SENP7: variants seen among roughly 807,000 people sequenced by gnomAD.
SENP7 encodes the protein SUMO specific peptidase 7.
SENP7 carries 64 observed loss-of-function variants against 141.2 expected under a neutral mutation model. That is an observed-to-expected ratio of 0.45 (90% CI 0.37 to 0.56). The LOEUF is 0.56. Ranked by LOEUF, SENP7 falls within the 20% of genes least tolerant of loss-of-function variation. The probability of loss-of-function intolerance (pLI) is 0.00; values close to 1 mark genes in which losing one functional copy is unlikely to be tolerated. For missense variants in SENP7, 1,025 were observed against 1,212.2 expected (o/e 0.85, Z 2.29); for synonymous variants, 382 against 426.4 (o/e 0.90, Z 1.28).
intron 6 of SENP7, among the ~76,000 whole-genome samples, chr3:101,396,223 G>C (rs1576214555): frequency 6.6e-6 from 1 of 152,178 alleles, no homozygotes; most frequent in Non-Finnish European, 1.5e-5. Context: ...AGGAGAGCTA[G>C]TGTTCCCACT....
At chr3:101,398,203 T>C (rs1037428152) in intron 6 of SENP7, among the ~76,000 whole-genome samples, 1 of 152,242 alleles carries the variant, frequency 6.6e-6, no homozygotes, top group Admixed American at 6.5e-5. Flanking sequence ...CTCACGCCTG[T>C]AATGCCAGCC....
intron 6 of SENP7, among the ~76,000 whole-genome samples, chr3:101,381,154 G>A (rs368346713): frequency 1.2e-4 from 18 of 152,244 alleles, no homozygotes; most frequent in South Asian, 6.2e-4. Flanking sequence ...AGAAGGCTTC[G>A]GTGATGCTGA....
chr3:101,424,448 A>C (rs1447041889), intron 4 of SENP7, among the ~76,000 whole-genome samples: 1 of 151,852 alleles, frequency 6.6e-6, no homozygotes, highest in Non-Finnish European at 1.5e-5. Flanking sequence ...CCGCTCCCAC[A>C]ACTGACCACC....
At chr3:101,511,440 A>T (rs1249740324) in intron 1 of SENP7, among the ~76,000 whole-genome samples, 1 of 152,220 alleles carries the variant, frequency 6.6e-6, no homozygotes, top group Non-Finnish European at 1.5e-5. Flanking sequence ...GTTCTGTGTT[A>T]GGAAGCCCGC....
chr3:101,373,741 A>T (rs900722749), intron 6 of SENP7, among the ~76,000 whole-genome samples: 2 of 152,198 alleles, frequency 1.3e-5, no homozygotes, highest in Non-Finnish European at 2.9e-5. Flanking sequence ...CACAACAGTG[A>T]AGCCAAACAC....
intron 11 of SENP7, chr3:101,358,410 T>C (rs2059801984): frequency 2.3e-6 from 1 of 444,388 alleles, no homozygotes. Flanking sequence ...TAATTTATAC[T>C]GGAGAGAAAC....
intron 3 of SENP7, among the ~76,000 whole-genome samples, chr3:101,485,685 T>C (rs1239462682): frequency 2.0e-5 from 3 of 152,002 alleles, no homozygotes; most frequent in South Asian, 2.1e-4. Flanking sequence ...TCTGATAATA[T>C]GACAAACCAA....
chr3:101,440,715 A>C (rs2062634782), intron 4 of SENP7, among the ~76,000 whole-genome samples: 1 of 152,100 alleles, frequency 6.6e-6, no homozygotes, highest in Admixed American at 6.6e-5. Context: ...AAGACAGCAC[A>C]AGAAAAAAAA....
chr3:101,387,674 T>G (rs1436077257), intron 6 of SENP7, among the ~76,000 whole-genome samples: 1 of 152,174 alleles, frequency 6.6e-6, no homozygotes, highest in Non-Finnish European at 1.5e-5. Flanking sequence ...GTGCACTCCA[T>G]CAGGGAGCAT....
chr3:101,479,875 T>C (rs1193573704), intron 3 of SENP7, among the ~76,000 whole-genome samples: 1 of 73,714 alleles, frequency 1.4e-5, no homozygotes, highest in African/African-American at 5.5e-5. Context: ...AGATAGCAAT[T>C]CCACTTACAA....
intron 3 of SENP7, among the ~76,000 whole-genome samples, chr3:101,483,478 G>C (rs997003534): frequency 1.3e-5 from 2 of 152,094 alleles, no homozygotes; most frequent in East Asian, 1.9e-4. Context: ...GGGAATAAAG[G>C]GGGTGGGAAA....
intron 17 of SENP7, among the ~76,000 whole-genome samples, chr3:101,335,638 A>G (rs908026677): frequency 1.3e-5 from 2 of 152,152 alleles, no homozygotes; most frequent in Admixed American, 6.5e-5. Context: ...TTACTAATAC[A>G]GCAGAATCTA....
chr3:101,374,134 A>G (rs994727093), intron 6 of SENP7, among the ~76,000 whole-genome samples: 1 of 152,192 alleles, frequency 6.6e-6, no homozygotes, highest in Admixed American at 6.5e-5. Context: ...AGAAAACAGA[A>G]CCCAGGAACA....
At chr3:101,356,098 A>G (rs2059735280) in intron 11 of SENP7, among the ~76,000 whole-genome samples, 1 of 152,134 alleles carries the variant, frequency 6.6e-6, no homozygotes, top group African/African-American at 2.4e-5. Flanking sequence ...AAAATAATAT[A>G]GTAATTTATT....
At chr3:101,403,875 A>T (rs544237068) in intron 5 of SENP7, among the ~76,000 whole-genome samples, 5 of 152,316 alleles carry the variant, frequency 3.3e-5, no homozygotes, top group African/African-American at 1.2e-4. Flanking sequence ...GGGAGGTGAA[A>T]GATCTCTATA....
At position 101,493,733 on chromosome 3, in the gene SENP7, A is replaced by C. The variant is rs759638237; in HGVS notation, c.186+140T>G. The C allele has an allele frequency of 5.4e-4, 270 of 495,790 alleles. 4 individuals carry two copies. The highest frequency in any genetic ancestry group is 1.1e-4 in the Non-Finnish European group (30 of 279,038). 30.7% of individuals were successfully genotyped at this position (495,790 alleles called of 1,614,324 possible). ...AAAGTATCATTTCAACATGCCAAAA[A>C]TGAACTAAAATCTGCAATTAAATAA... On this transcript the variant is annotated intron_variant, in intron 3 of 23. Transcript: ENST00000394095.
intron 11 of SENP7, among the ~76,000 whole-genome samples, chr3:101,355,253 G>A (rs1402316319): frequency 1.3e-5 from 2 of 151,796 alleles, no homozygotes; most frequent in Non-Finnish European, 2.9e-5. Context: ...TTTTTGTTGT[G>A]ATTTTGACAT....
chr3:101,435,418 A>G (rs762094460), intron 4 of SENP7, among the ~76,000 whole-genome samples: 1 of 152,124 alleles, frequency 6.6e-6, no homozygotes, highest in Non-Finnish European at 1.5e-5. Flanking sequence ...TTAACATAGT[A>G]TTGGAAGTCC....
intron 17 of SENP7, among the ~76,000 whole-genome samples, chr3:101,336,903 T>C (rs2059200723): frequency 1.3e-5 from 2 of 152,170 alleles, no homozygotes; most frequent in East Asian, 3.9e-4. Flanking sequence ...TAATGTAGCA[T>C]AGGTTTAATT....
Sources: gnomAD v4.1 joint callset for allele counts (sites outside exome capture counted in the v4.1 genomes callset) on GRCh38, gnomAD v4.1.1 for gene constraint, MANE v1.5 for transcripts, NCBI Gene and HGNC (gene_info 2026-07-23, HGNC 2026-07-21) for gene names.